RORA: variants seen among roughly 807,000 people sequenced by gnomAD.
The protein encoded by RORA is RAR related orphan receptor A, also known as nuclear receptor ROR-alpha.
A neutral mutation model predicts 69.5 loss-of-function variants in RORA; 7 were observed. The ratio of observed to expected loss-of-function variants is 0.10; its 90% CI spans 0.06 to 0.19. RORA has a LOEUF of 0.19. RORA is among the 10% of genes least tolerant of loss of function. RORA has a pLI of 1.00. For missense variants in RORA, 457 were observed against 663.0 expected (o/e 0.69, Z 3.41); for synonymous variants, 261 against 240.8 (o/e 1.08, Z -0.78).
At chr15:60,742,724 G>A (rs2071590879) in intron 1 of RORA, among the ~76,000 whole-genome samples, 1 of 152,172 alleles carries the variant, frequency 6.6e-6, no homozygotes, top group Middle Eastern at 3.2e-3. Context: ...GTGAGATCAT[G>A]TAGTATTTGT....
intron 1 of RORA, among the ~76,000 whole-genome samples, chr15:60,883,512 T>G (rs1023793615): frequency 1.3e-5 from 2 of 151,150 alleles, no homozygotes; most frequent in African/African-American, 4.9e-5. Context: ...TAAACTGAAG[T>G]CCATGAGGCC....
intron 1 of RORA, among the ~76,000 whole-genome samples, chr15:61,083,638 T>C (rs1405866827): frequency 6.6e-6 from 1 of 151,956 alleles, no homozygotes; most frequent in Non-Finnish European, 1.5e-5. Flanking sequence ...GATTCTGTAG[T>C]TCTCAGGCAC....
intron 1 of RORA, among the ~76,000 whole-genome samples, chr15:61,110,970 T>C (rs571367543): frequency 6.6e-5 from 10 of 152,232 alleles, no homozygotes; most frequent in Non-Finnish European, 8.8e-5. Context: ...TGTTTCCTTC[T>C]GTATTCCTGC....
intron 1 of RORA, among the ~76,000 whole-genome samples, chr15:60,914,228 C>A (rs575930358): frequency 6.6e-6 from 1 of 152,274 alleles, no homozygotes; most frequent in Non-Finnish European, 1.5e-5. Context: ...ACTCAAGAAG[C>A]ACCAAATGTA....
At chr15:60,856,753 T>A (rs1477762859) in intron 1 of RORA, among the ~76,000 whole-genome samples, 1 of 152,176 alleles carries the variant, frequency 6.6e-6, no homozygotes, top group Non-Finnish European at 1.5e-5. Context: ...GAACGCTGCC[T>A]GAATGAGAAG....
chr15:61,053,864 A>ATATATAT (rs2078052193), intron 1 of RORA, among the ~76,000 whole-genome samples: 7 of 18,760 alleles, frequency 3.7e-4, no homozygotes, highest in South Asian at 2.2e-3. Context: ...TATATATATA[A>ATATATAT]ACATTCTTCA....
chr15:60,616,108 T>C (rs340025), intron 2 of RORA, among the ~76,000 whole-genome samples: 99,780 of 152,118 alleles, frequency 0.66, 33,422 homozygotes, highest in African/African-American at 0.79. Context: ...TACACTCACA[T>C]GCATAAAACA....
At chr15:60,515,951 ATATATT>A (rs779208706) in intron 3 of RORA, among the ~76,000 whole-genome samples, 27,957 of 35,204 alleles carry the variant, frequency 0.79, 10,921 homozygotes, top group South Asian at 0.9. Context: ...ATATATATTT[ATATATT>A]TATATTTATA....
chr15:60,985,547 A>C (rs1304127490), intron 1 of RORA, among the ~76,000 whole-genome samples: 1 of 151,650 alleles, frequency 6.6e-6, no homozygotes, highest in Non-Finnish European at 1.5e-5. Context: ...TCACATACGA[A>C]AAATTAATCT....
Position 61,042,012 on chromosome 15 carries a change from C to T in RORA, c.166+187041G>A, listed in dbSNP as rs765005304. On this transcript the variant is annotated intron_variant, in intron 1 of 10. Transcript: ENST00000335670. ...TACATAGCAGAGCTGGGGCTGGAAC[C>T]TGCGTGATCAGCATCAGACCCTCGT... Among the ~76,000 whole-genome samples the T allele has an allele frequency of 7.9e-5, 12 of 152,188 alleles. 1 individual carries two copies. The highest frequency in any genetic ancestry group is 1.3e-4 in the Non-Finnish European group (9 of 68,036).
At chr15:61,062,592 A>G (rs924718889) in intron 1 of RORA, among the ~76,000 whole-genome samples, 7 of 152,208 alleles carry the variant, frequency 4.6e-5, no homozygotes, top group Admixed American at 1.3e-4. Context: ...AAAGCATAGC[A>G]TGTCTGTGAC....
intron 2 of RORA, among the ~76,000 whole-genome samples, chr15:60,656,125 A>C (rs751789583): frequency 6.6e-6 from 1 of 152,212 alleles, no homozygotes; most frequent in Non-Finnish European, 1.5e-5. Context: ...CCAAGTCAAC[A>C]TCTGATTGGC....
At chr15:61,056,396 T>A (rs527633472) in intron 1 of RORA, among the ~76,000 whole-genome samples, 46 of 152,274 alleles carry the variant, frequency 3.0e-4, no homozygotes, top group African/African-American at 9.6e-4. Context: ...ACTCTCTGAA[T>A]CCCATGCTCC....
intron 1 of RORA, among the ~76,000 whole-genome samples, chr15:61,206,179 T>C (rs541666489): frequency 3.3e-5 from 5 of 152,150 alleles, no homozygotes; most frequent in African/African-American, 1.2e-4. Context: ...GATAATACTT[T>C]ATTTAATCTT....
At chr15:61,164,568 T>C (rs943626661) in intron 1 of RORA, among the ~76,000 whole-genome samples, 51 of 152,216 alleles carry the variant, frequency 3.4e-4, no homozygotes, top group African/African-American at 1.1e-3. Flanking sequence ...AAGCCCTTTG[T>C]TCCTGTTGGG....
At chr15:60,901,363 G>T (rs1891386866) in intron 1 of RORA, among the ~76,000 whole-genome samples, 1 of 152,104 alleles carries the variant, frequency 6.6e-6, no homozygotes, top group Admixed American at 6.5e-5. Context: ...GTAGAGATGG[G>T]GTTTCGCCAT....
chr15:60,689,929 T>C (rs563598124), intron 1 of RORA, among the ~76,000 whole-genome samples: 1 of 152,286 alleles, frequency 6.6e-6, no homozygotes, highest in South Asian at 2.1e-4. Flanking sequence ...ACTTCTAGCA[T>C]CCAGAACTGT....
At chr15:60,509,860 A>G (rs2141310464) in intron 5 of RORA, among the ~76,000 whole-genome samples, 1 of 152,188 alleles carries the variant, frequency 6.6e-6, no homozygotes, top group Non-Finnish European at 1.5e-5. Context: ...TTCTCTGTTA[A>G]TCAAAAGAGC....
intron 1 of RORA, among the ~76,000 whole-genome samples, chr15:60,838,992 C>T (rs1431323142): frequency 2.6e-5 from 4 of 151,878 alleles, no homozygotes; most frequent in Non-Finnish European, 5.9e-5. Context: ...GGGTTCACGC[C>T]ATTCTCCTGC....
Sources: allele counts gnomAD v4.1 joint callset (sites outside exome capture counted in the v4.1 genomes callset), GRCh38; gene constraint gnomAD v4.1.1; transcripts MANE v1.5; gene names NCBI Gene and HGNC (gene_info 2026-07-23, HGNC 2026-07-21).